The following PTPRD variants were observed in gnomAD, a reference collection of about 807,000 sequenced individuals.
PTPRD encodes the protein receptor-type tyrosine-protein phosphatase delta.
Under a neutral mutation model 214.5 loss-of-function variants are expected in PTPRD, and 34 were observed. The observed-to-expected ratio is 0.16, with a 90% CI of 0.12 to 0.21. The LOEUF is 0.21. Among genes scored for constraint, PTPRD ranks in the 10% least tolerant of loss-of-function variants. The pLI, the probability that PTPRD is intolerant of heterozygous loss-of-function variation, is 1.00. For synonymous variants in PTPRD, 1,128 were observed against 845.7 expected (o/e 1.33, Z -5.79); for missense variants, 2,545 against 2,398.7 (o/e 1.06, Z -1.27).
At chr9:10,051,735 G>A (rs1157740434) in intron 3 of PTPRD, among the ~76,000 whole-genome samples, 2 of 151,862 alleles carry the variant, frequency 1.3e-5, no homozygotes, top group Non-Finnish European at 2.9e-5. Context: ...TCTGTGCCAG[G>A]CACCCTGTAC....
intron 11 of PTPRD, among the ~76,000 whole-genome samples, chr9:8,869,661 T>G (rs2098259805): frequency 6.6e-6 from 1 of 151,884 alleles, no homozygotes; most frequent in Admixed American, 6.6e-5. Context: ...GAGCAGATTC[T>G]GGCATTTCCT....
chr9:8,545,172 C>A (rs1390118222), intron 14 of PTPRD, among the ~76,000 whole-genome samples: 1 of 152,108 alleles, frequency 6.6e-6, no homozygotes, highest in East Asian at 1.9e-4. Flanking sequence ...CTCTTTTACT[C>A]TCCAGAAATA....
At chr9:9,271,668 T>C (rs1486105509) in intron 9 of PTPRD, among the ~76,000 whole-genome samples, 1 of 151,348 alleles carries the variant, frequency 6.6e-6, no homozygotes, top group East Asian at 2.0e-4. Context: ...CAAAAATGTA[T>C]TGGTTAAATA....
chr9:9,547,969 A>G (rs150022017), intron 8 of PTPRD, among the ~76,000 whole-genome samples: 4 of 152,200 alleles, frequency 2.6e-5, no homozygotes, highest in Non-Finnish European at 4.4e-5. Flanking sequence ...CTCACAAAAA[A>G]TGCAAGACAA....
chr9:8,416,562 T>G (rs1408682233), intron 35 of PTPRD, among the ~76,000 whole-genome samples: 2 of 152,150 alleles, frequency 1.3e-5, no homozygotes, highest in South Asian at 4.1e-4. Context: ...CTCAACACTC[T>G]GGAGGGGATT....
At chr9:9,493,436 C>A (rs868476001) in intron 8 of PTPRD, among the ~76,000 whole-genome samples, 2 of 152,110 alleles carry the variant, frequency 1.3e-5, no homozygotes, top group Non-Finnish European at 2.9e-5. Context: ...ACCACAATAA[C>A]CATTCTGCAG....
Position 8,507,780 on chromosome 9 carries a change from C to T in PTPRD, c.1544-346G>A, listed in dbSNP as rs117979428. On this transcript the variant is annotated intron_variant, in intron 21 of 45. Coordinates refer to ENST00000381196, the MANE Select transcript of PTPRD (RefSeq NM_002839.4). ...TTTACATAAAGCACTTGAAATATTG[C>T]CAAAAGCATAATAAGTACAAAATAC... Among the ~76,000 whole-genome samples the T allele has an allele frequency of 7.2e-3, 1,102 of 152,084 alleles. 8 individuals carry two copies. Among genetic ancestry groups the T allele is most frequent in the Admixed American group, 0.012 (182 of 15,272 alleles).
intron 4 of PTPRD, among the ~76,000 whole-genome samples, chr9:10,030,085 C>T (rs1252668179): frequency 6.6e-6 from 1 of 152,176 alleles, no homozygotes; most frequent in Non-Finnish European, 1.5e-5. Flanking sequence ...CTTTCACCTT[C>T]CGCCATGATT....
At chr9:8,462,869 G>A (rs556681897) in intron 32 of PTPRD, among the ~76,000 whole-genome samples, 89 of 151,730 alleles carry the variant, frequency 5.9e-4, no homozygotes, top group African/African-American at 1.9e-3. Context: ...TTTCTTTGGC[G>A]AAACTACAGA....
intron 14 of PTPRD, among the ~76,000 whole-genome samples, chr9:8,598,278 CCT>C (rs751114841): frequency 6.6e-6 from 1 of 151,960 alleles, no homozygotes; most frequent in Non-Finnish European, 1.5e-5. Context: ...ATGGTGAAAC[CCT>C]GTCTCTATTA....
chr9:8,345,718 C>G (rs948571266), intron 39 of PTPRD, among the ~76,000 whole-genome samples: 10 of 152,062 alleles, frequency 6.6e-5, no homozygotes, highest in African/African-American at 2.4e-4. Context: ...GGTAGAATTC[C>G]TACCACGTTT....
At position 9,360,571 on chromosome 9, in the gene PTPRD, C is replaced by G. The variant is rs189856658; in HGVS notation, c.-203+36878G>C. ...ATTGGGAAATTATCTAGAAGTAAAGCTGATAATGAGAAAAATACAAGATGT... is the reference window on the plus strand; with the variant it reads ...ATTGGGAAATTATCTAGAAGTAAAGGTGATAATGAGAAAAATACAAGATGT... On this transcript the variant is annotated intron_variant, in intron 9 of 45. Coordinates refer to ENST00000381196, the MANE Select transcript of PTPRD (RefSeq NM_002839.4). Among the ~76,000 whole-genome samples the G allele has an allele frequency of 2.0e-5, 3 of 150,820 alleles. No individual in the cohort carries two copies. In the Admixed American group the frequency reaches 2.0e-4, roughly 10 times the overall value.
At chr9:8,625,211 A>G (rs1281318344) in intron 14 of PTPRD, among the ~76,000 whole-genome samples, 1 of 151,450 alleles carries the variant, frequency 6.6e-6, no homozygotes, top group Non-Finnish European at 1.5e-5. Context: ...ATATATATAT[A>G]CTACATGTAC....
intron 8 of PTPRD, among the ~76,000 whole-genome samples, chr9:9,527,859 G>C (rs986847548): frequency 2.0e-5 from 3 of 152,132 alleles, no homozygotes; most frequent in African/African-American, 7.2e-5. Context: ...CAGCATGTTA[G>C]ATCAGAAAAC....
At chr9:9,728,235 G>A (rs751208768) in intron 7 of PTPRD, among the ~76,000 whole-genome samples, 3 of 152,090 alleles carry the variant, frequency 2.0e-5, no homozygotes, top group Non-Finnish European at 2.9e-5. Context: ...CCAGTCTCTG[G>A]TATGTCTTTA....
At chr9:9,254,880 C>T (rs2099977069) in intron 9 of PTPRD, among the ~76,000 whole-genome samples, 1 of 151,994 alleles carries the variant, frequency 6.6e-6, no homozygotes, top group Non-Finnish European at 1.5e-5. Flanking sequence ...ATACAATTTC[C>T]ACACTTTTGA....
chr9:9,463,135 G>T (rs1569568542), intron 8 of PTPRD, among the ~76,000 whole-genome samples: 1 of 151,998 alleles, frequency 6.6e-6, no homozygotes, highest in African/African-American at 2.4e-5. Context: ...CACAGGTCCT[G>T]GTATTAATTC....
At chr9:8,573,351 T>C (rs760882683) in intron 14 of PTPRD, among the ~76,000 whole-genome samples, 9 of 152,144 alleles carry the variant, frequency 5.9e-5, no homozygotes, top group African/African-American at 1.4e-4. Context: ...AATGAAAAGA[T>C]AGGCAAAGTA....
intron 3 of PTPRD, among the ~76,000 whole-genome samples, chr9:10,248,666 T>A (rs2092464481): frequency 6.6e-6 from 1 of 152,092 alleles, no homozygotes; most frequent in South Asian, 2.1e-4. Flanking sequence ...TAAATGTCCA[T>A]CATGAGGTTG....
Sources: gnomAD v4.1 joint callset for allele counts (sites outside exome capture counted in the v4.1 genomes callset) on GRCh38, gnomAD v4.1.1 for gene constraint, MANE v1.5 for transcripts, NCBI Gene and HGNC (gene_info 2026-07-23, HGNC 2026-07-21) for gene names.